RELN: variants seen among roughly 807,000 people sequenced by gnomAD.
The protein encoded by RELN is reelin.
A neutral mutation model predicts 427.6 loss-of-function variants in RELN; 108 were observed. That is an observed-to-expected ratio of 0.25 (90% CI 0.22 to 0.30). RELN has a LOEUF of 0.30. Among genes scored for constraint, RELN ranks in the 10% least tolerant of loss-of-function variants. The pLI is 1.00. For synonymous variants in RELN, 1,524 were observed against 1,513.4 expected (o/e 1.01, Z -0.16); for missense variants, 3,715 against 4,302.8 (o/e 0.86, Z 3.82).
Position 103,652,641 on chromosome 7 carries a change from A to C in RELN, c.1673T>G (p.Phe558Cys). Reference protein sequence around the residue: ...HNRNVWAVDFFHVLPVLPSTM... With the variant: ...HNRNVWAVDFCHVLPVLPSTM... ...AGAAGGGAGAACAGGCAAGACATGG[A>C]AAAAGTCTACAGCCCAGACATTCCT... Residue 558 changes from phenylalanine (F) to cysteine (C), a missense_variant, in exon 14 of 65, where the codon TTC becomes TGC. Phe to Cys is a radical substitution (Grantham distance 205). This residue lies in a region of RELN where 2,208 missense variants were observed against 2,361.7 expected (regional missense o/e 0.93). Transcript: ENST00000428762. The C allele has an allele frequency of 6.2e-7, 1 of 1,612,864 alleles. No individual in the cohort carries two copies. The highest frequency in any genetic ancestry group is 8.5e-7 in the Non-Finnish European group (1 of 1,179,184).
At chr7:103,940,478 A>G (rs1035856490) in intron 1 of RELN, among the ~76,000 whole-genome samples, 26 of 152,228 alleles carry the variant, frequency 1.7e-4, no homozygotes, top group African/African-American at 5.8e-4. Context: ...TACTGAAAGT[A>G]ATCACTAAAA....
chr7:103,830,667 G>A (rs1431405031), intron 3 of RELN, among the ~76,000 whole-genome samples: 1 of 151,924 alleles, frequency 6.6e-6, no homozygotes, highest in East Asian at 1.9e-4. Context: ...AAGAATAAAG[G>A]TAAAAAATTG....
Position 103,989,261 on chromosome 7 carries a change from G to T in RELN, c.96C>A (p.Arg32=). 2 of 1,613,912 alleles carry T rather than the reference G, an allele frequency of 1.2e-6. No individual in the cohort carries two copies. Among genetic ancestry groups the T allele is most frequent in the South Asian group, 2.2e-5 (2 of 91,082 alleles). The change falls in exon 1 of 65, where the codon CGC becomes CGA. Residue 32 remains arginine, a synonymous_variant. Coordinates refer to ENST00000428762, the MANE Select transcript of RELN (RefSeq NM_005045.4). The surrounding 1 kb of genome is among the most constrained non-coding windows in gnomAD (Gnocchi z 4.9). ...RARAAAGYYP[R]FSPFFFLCTH... is the part of the protein sequence containing the mutation. ...TGCACAGGAAAAAGAAGGGCGAAAA[G>T]CGGGGGTAATAGCCAGCCGCCGCGC...
intron 3 of RELN, among the ~76,000 whole-genome samples, chr7:103,821,794 A>G (rs1297773387): frequency 7.5e-6 from 1 of 132,598 alleles, no homozygotes; most frequent in Non-Finnish European, 1.7e-5. Context: ...ATTTTTAATT[A>G]GAAGGCTTTT....
intron 8 of RELN, among the ~76,000 whole-genome samples, chr7:103,705,621 C>T (rs1834182032): frequency 6.6e-6 from 1 of 152,128 alleles, no homozygotes; most frequent in Non-Finnish European, 1.5e-5. Flanking sequence ...AGTAAAATTG[C>T]CTCTGATATA....
intron 44 of RELN, among the ~76,000 whole-genome samples, chr7:103,539,834 A>G (rs1830139531): frequency 6.6e-6 from 1 of 152,232 alleles, no homozygotes; most frequent in Non-Finnish European, 1.5e-5. Context: ...CAAAGGCAAG[A>G]AAGAGGATTT....
At chr7:103,543,221 T>G (rs990943126) in intron 42 of RELN, among the ~76,000 whole-genome samples, 1 of 152,202 alleles carries the variant, frequency 6.6e-6, no homozygotes, top group African/African-American at 2.4e-5. Context: ...GTGGGGGCTG[T>G]GTAGCCTTTC....
At chr7:103,910,678 G>A (rs1447870425) in intron 2 of RELN, among the ~76,000 whole-genome samples, 2 of 135,414 alleles carry the variant, frequency 1.5e-5, no homozygotes. Flanking sequence ...GAACAGAACA[G>A]AGCCCTCAGA....
At chr7:103,941,741 C>T (rs1796119295) in intron 1 of RELN, among the ~76,000 whole-genome samples, 1 of 152,078 alleles carries the variant, frequency 6.6e-6, no homozygotes, top group African/African-American at 2.4e-5. Context: ...TTGTTTACTA[C>T]TTCCCTGGTA....
chr7:103,978,317 G>A (rs1796923413), intron 1 of RELN, among the ~76,000 whole-genome samples: 1 of 151,958 alleles, frequency 6.6e-6, no homozygotes, highest in Non-Finnish European at 1.5e-5. Flanking sequence ...GAAATCATGT[G>A]ATATTTGTCT....
chr7:103,695,079 T>C (rs138624016), intron 10 of RELN, among the ~76,000 whole-genome samples: 145 of 152,276 alleles, frequency 9.5e-4, no homozygotes, highest in African/African-American at 3.4e-3. Flanking sequence ...CACTGAGATA[T>C]GCTTTCTAAT....
chr7:103,772,807 C>A lies in RELN; in HGVS notation c.544+3750G>T, dbSNP rs78881233. 8.1e-4 allele frequency among the ~76,000 whole-genome samples: 123 copies of A among 152,286 alleles called. No homozygotes were observed. In the East Asian group the frequency reaches 0.019, roughly 24 times the overall value. On this transcript the variant is annotated intron_variant, in intron 4 of 64. Transcript: ENST00000428762. ...CAAGAAACGAGGTAGGAGAGGCAAA[C>A]TGAAGCCAGATTGTAAGGGATTTTC...
At chr7:103,826,232 C>A (rs1793134593) in intron 3 of RELN, among the ~76,000 whole-genome samples, 1 of 151,744 alleles carries the variant, frequency 6.6e-6, no homozygotes, top group Non-Finnish European at 1.5e-5. Context: ...TTCCTAGTCT[C>A]CAGAACCATT....
intron 46 of RELN, among the ~76,000 whole-genome samples, chr7:103,534,797 T>C (rs907797212): frequency 6.6e-6 from 1 of 152,212 alleles, no homozygotes; most frequent in Non-Finnish European, 1.5e-5. Context: ...TGAAAGGTTT[T>C]TCACATAAAA....
chr7:103,646,727 T>C (rs1426233978), intron 16 of RELN, among the ~76,000 whole-genome samples: 2 of 152,078 alleles, frequency 1.3e-5, no homozygotes, highest in Admixed American at 6.6e-5. Flanking sequence ...CTGCTAAAAC[T>C]GTTCCAAAAA....
intron 19 of RELN, 124 bp from the exon 20 acceptor site, chr7:103,630,300 A>T (rs1832423835): frequency 2.9e-6 from 2 of 698,452 alleles, no homozygotes; most frequent in Admixed American, 2.6e-5. Context: ...GATTATAAAC[A>T]TTTTTTTTTG....
Position 103,500,700 on chromosome 7 carries a change from A to G in RELN, c.8667+45T>C, listed in dbSNP as rs13232021. ...ATACATAAGTTGGTTCCTAGGCATG[A>G]CCCATGATGTGAGTAATGCGTCTTG... On this transcript the variant is annotated intron_variant, in intron 53 of 64. Coordinates refer to ENST00000428762, the MANE Select transcript of RELN (RefSeq NM_005045.4). The G allele has an allele frequency of 0.16, 262,411 of 1,599,828 alleles. 23,417 individuals carry two copies. Among genetic ancestry groups the G allele is most frequent in the East Asian group, 0.33 (14,633 of 44,736 alleles).
intron 4 of RELN, 144 bp downstream of exon 4, chr7:103,776,413 T>G: frequency 1.3e-6 from 1 of 784,254 alleles, no homozygotes. Flanking sequence ...ACTAAATAAC[T>G]ATTAGTGATA....
chr7:103,505,769 G>C (rs1046008119), intron 51 of RELN, among the ~76,000 whole-genome samples: 5 of 152,152 alleles, frequency 3.3e-5, no homozygotes, highest in African/African-American at 1.2e-4. Flanking sequence ...GCTTCAGAAG[G>C]TGGGTAATAA....
Sources: allele counts gnomAD v4.1 joint callset (sites outside exome capture counted in the v4.1 genomes callset), GRCh38; gene constraint gnomAD v4.1.1; regional missense constraint gnomAD v4.1.1; non-coding constraint Gnocchi (gnomAD v3.1); transcripts MANE v1.5; gene names NCBI Gene and HGNC (gene_info 2026-07-23, HGNC 2026-07-21).